Variants in PDLIM5 observed in about 807,000 individuals in gnomAD.
PDLIM5 encodes PDZ and LIM domain 5.
PDLIM5 carries 34 observed loss-of-function variants against 64.2 expected under a neutral mutation model. That is an observed-to-expected ratio of 0.53 (90% CI 0.40 to 0.71). PDLIM5 has a LOEUF of 0.71. Ranked by LOEUF, PDLIM5 falls within the 30% of genes least tolerant of loss-of-function variation. The pLI, the probability that PDLIM5 is intolerant of heterozygous loss-of-function variation, is 0.00. For synonymous variants in PDLIM5, 253 were observed against 269.1 expected (o/e 0.94, Z 0.59); for missense variants, 683 against 733.6 (o/e 0.93, Z 0.80).
At chr4:94,558,669 A>G (rs535785414) in intron 3 of PDLIM5, among the ~76,000 whole-genome samples, 70 of 152,018 alleles carry the variant, frequency 4.6e-4, no homozygotes, top group Middle Eastern at 3.4e-3. Context: ...AAGTATGACT[A>G]AGGATTATAA....
At chr4:94,462,914 A>G (rs2126082247) in intron 2 of PDLIM5, among the ~76,000 whole-genome samples, 1 of 152,262 alleles carries the variant, frequency 6.6e-6, no homozygotes, top group Middle Eastern at 3.4e-3. Flanking sequence ...TGTGTTTTCA[A>G]GTGGTTTGTT....
chr4:94,454,676 T>C (rs1723167025), intron 1 of PDLIM5, among the ~76,000 whole-genome samples: 1 of 152,214 alleles, frequency 6.6e-6, no homozygotes, highest in Non-Finnish European at 1.5e-5. Context: ...TAGGAGGAAA[T>C]ACAAGTTGTA....
At chr4:94,500,252 T>C (rs1489290365) in intron 2 of PDLIM5, among the ~76,000 whole-genome samples, 1 of 152,220 alleles carries the variant, frequency 6.6e-6, no homozygotes, top group East Asian at 1.9e-4. Context: ...GTATAATTTT[T>C]TCTGATTAAG....
rs1743031891 is a variant in PDLIM5, at chr4:94,665,493, AAAAAAAAAAAAAAGAG to A, written c.*1428_*1443del. The stretch of plus-strand genomic sequence containing the variant: ...AGACTCCGGCTCTTAAAAAAAAAAA[AAAAAAAAAAAAAAGAG>A]AGAGAGAGAATAAATAGAAAAGAAT... On this transcript the variant is annotated 3_prime_UTR_variant, in exon 13 of 13. Transcript: ENST00000317968. 4 of 757,378 alleles carry A rather than the reference AAAAAAAAAAAAAAGAG, an allele frequency of 5.3e-6. No individual in the cohort carries two copies. Among genetic ancestry groups the A allele is most frequent in the Non-Finnish European group, 4.7e-6 (3 of 637,742 alleles). 46.9% of individuals were successfully genotyped at this position (757,378 alleles called of 1,614,324 possible).
chr4:94,509,931 C>T (rs191404763), intron 2 of PDLIM5, among the ~76,000 whole-genome samples: 6 of 152,314 alleles, frequency 3.9e-5, no homozygotes. Flanking sequence ...CTCACAGACA[C>T]ACCCGGGATC....
At chr4:94,507,359 G>A (rs1728480748) in intron 2 of PDLIM5, among the ~76,000 whole-genome samples, 1 of 152,080 alleles carries the variant, frequency 6.6e-6, no homozygotes, top group Non-Finnish European at 1.5e-5. Context: ...AGCCCCAAAA[G>A]TCTTAACTTG....
At chr4:94,644,988 T>C (rs920826062) in intron 9 of PDLIM5, among the ~76,000 whole-genome samples, 3 of 152,084 alleles carry the variant, frequency 2.0e-5, no homozygotes, top group African/African-American at 7.2e-5. Flanking sequence ...TTCTTTAGAG[T>C]TGATTTGTGA....
intron 5 of PDLIM5, chr4:94,579,682 G>C (rs1735582941): frequency 4.5e-6 from 2 of 446,060 alleles, no homozygotes; most frequent in African/African-American, 4.1e-5. Context: ...CAGTAAGCTT[G>C]GTTTGCATTG....
At chr4:94,611,278 A>G (rs1422218288) in intron 7 of PDLIM5, 1 of 1,237,842 alleles carries the variant, frequency 8.1e-7, no homozygotes, top group South Asian at 1.4e-5. Flanking sequence ...CCACTGTATT[A>G]ACAGGCCAGG....
chr4:94,486,864 G>A (rs185997798), intron 2 of PDLIM5, among the ~76,000 whole-genome samples: 49 of 152,236 alleles, frequency 3.2e-4, no homozygotes, highest in African/African-American at 1.1e-3. Context: ...TTAGCCAGGT[G>A]TGGTGACTTA....
chr4:94,588,057 T>C, intron 7 of PDLIM5: 1 of 911,688 alleles, frequency 1.1e-6, no homozygotes, highest in Non-Finnish European at 1.3e-6. Context: ...TATTATATAT[T>C]AGAGCTAAAT....
chr4:94,657,352 T>TA, intron 10 of PDLIM5, 75 bp from the exon 11 acceptor site: 1 of 1,073,216 alleles, frequency 9.3e-7, no homozygotes, highest in Non-Finnish European at 1.4e-6. Flanking sequence ...GATTTACTGG[T>TA]ACAGATATTA....
intron 8 of PDLIM5, among the ~76,000 whole-genome samples, chr4:94,620,972 G>A (rs1157918315): frequency 7.4e-6 from 1 of 134,398 alleles, no homozygotes; most frequent in Non-Finnish European, 1.5e-5. Flanking sequence ...TCAGGAGGCT[G>A]AGGCAGGAGA....
At chr4:94,603,898 A>G (rs560690285) in intron 7 of PDLIM5, among the ~76,000 whole-genome samples, 153 of 152,306 alleles carry the variant, frequency 1.0e-3, no homozygotes, top group Non-Finnish European at 1.9e-3. Flanking sequence ...TTAAAAATAT[A>G]AATTTGGAAG....
Position 94,575,788 on chromosome 4 carries a change from C to G in PDLIM5, c.464C>G (p.Ala155Gly). 1.9e-6 allele frequency: 3 copies of G among 1,614,070 alleles called. No individual in the cohort carries two copies. The highest frequency in any genetic ancestry group is 2.5e-6 in the Non-Finnish European group (3 of 1,179,968). Residue 155 changes from alanine (A) to glycine (G), a missense_variant, in exon 5 of 13, where the codon GCG (alanine) becomes GGG (glycine). Ala to Gly is a moderately conservative substitution (Grantham distance 60). Transcript: ENST00000317968. ...TCGTCTGCCTTCACCCCAGCCCATG[C>G]GACCACCTCATCACATGCTTCCCCT... ...SPSSAFTPAH[A>G]TTSSHASPSP...
At chr4:94,538,555 G>A (rs1731510376) in intron 3 of PDLIM5, among the ~76,000 whole-genome samples, 1 of 152,126 alleles carries the variant, frequency 6.6e-6, no homozygotes, top group East Asian at 1.9e-4. Context: ...TTGCTCTGCT[G>A]CTTTCTCCAT....
chr4:94,605,119 A>G (rs1183869075), intron 7 of PDLIM5, among the ~76,000 whole-genome samples: 1 of 152,236 alleles, frequency 6.6e-6, no homozygotes, highest in Non-Finnish European at 1.5e-5. Flanking sequence ...CAAAGCATCC[A>G]GTAGAGAAGG....
chr4:94,512,448 GT>G (rs1291756248), intron 2 of PDLIM5, among the ~76,000 whole-genome samples: 2 of 152,114 alleles, frequency 1.3e-5, no homozygotes, highest in Non-Finnish European at 2.9e-5. Context: ...GTTATTGCCT[GT>G]ATTTTGGAAG....
intron 3 of PDLIM5, among the ~76,000 whole-genome samples, chr4:94,560,590 C>T (rs1041093730): frequency 6.6e-6 from 1 of 152,214 alleles, no homozygotes; most frequent in Non-Finnish European, 1.5e-5. Flanking sequence ...GGTTAAGTAA[C>T]TTGTCCCAGG....
Sources: allele counts gnomAD v4.1 joint callset (sites outside exome capture counted in the v4.1 genomes callset), GRCh38; gene constraint gnomAD v4.1.1; transcripts MANE v1.5; gene names NCBI Gene and HGNC (gene_info 2026-07-23, HGNC 2026-07-21).